SMYD3: variants seen among roughly 807,000 people sequenced by gnomAD.
SMYD3 encodes SET and MYND domain containing 3.
Under a neutral mutation model 57.7 loss-of-function variants are expected in SMYD3, and 36 were observed. That is an observed-to-expected ratio of 0.62 (90% CI 0.48 to 0.82). SMYD3 has a LOEUF of 0.82. SMYD3 is among the 40% of genes least tolerant of loss of function. SMYD3 has a pLI of 0.00. For missense variants in SMYD3, 515 were observed against 538.8 expected (o/e 0.96, Z 0.44); for synonymous variants, 211 against 195.0 (o/e 1.08, Z -0.68).
At chr1:246,027,698 T>C (rs771786428) in intron 5 of SMYD3, among the ~76,000 whole-genome samples, 5 of 152,234 alleles carry the variant, frequency 3.3e-5, no homozygotes, top group African/African-American at 7.2e-5. Flanking sequence ...AGAGCTCCGA[T>C]GGAGATGTAC....
At chr1:246,211,022 C>T (rs1432114942) in intron 5 of SMYD3, among the ~76,000 whole-genome samples, 2 of 152,104 alleles carry the variant, frequency 1.3e-5, no homozygotes. Context: ...TTCCTCTTCA[C>T]CATTTTCCTG....
chr1:246,096,196 T>G (rs1332622340), intron 5 of SMYD3: 1 of 152,202 alleles, frequency 6.6e-6, no homozygotes, highest in Non-Finnish European at 1.5e-5. Context: ...TAAGGAAGAA[T>G]GTAGAATAGG....
intron 1 of SMYD3, among the ~76,000 whole-genome samples, chr1:246,451,733 A>G (rs1353927977): frequency 6.6e-6 from 1 of 152,182 alleles, no homozygotes; most frequent in Non-Finnish European, 1.5e-5. Flanking sequence ...TGTGTAGAGG[A>G]AGAGGGTCTA....
intron 5 of SMYD3, among the ~76,000 whole-genome samples, chr1:246,227,601 T>A (rs943758311): frequency 3.3e-5 from 5 of 150,638 alleles, no homozygotes; most frequent in Non-Finnish European, 5.9e-5. Context: ...GGTGACAGAG[T>A]GAGACTCCAT....
chr1:245,768,805 A>T (rs2046222453), intron 10 of SMYD3, among the ~76,000 whole-genome samples: 1 of 152,142 alleles, frequency 6.6e-6, no homozygotes, highest in African/African-American at 2.4e-5. Flanking sequence ...ATCATGTTGG[A>T]AATGGAAAGC....
chr1:245,882,781 T>C (rs897418529), intron 8 of SMYD3, among the ~76,000 whole-genome samples: 3 of 152,108 alleles, frequency 2.0e-5, no homozygotes, highest in Non-Finnish European at 1.5e-5. Context: ...TTTAAATTAA[T>C]AAAAAAATCT....
At chr1:245,793,370 C>T (rs921976831) in intron 10 of SMYD3, among the ~76,000 whole-genome samples, 3 of 152,056 alleles carry the variant, frequency 2.0e-5, no homozygotes, top group Non-Finnish European at 2.9e-5. Flanking sequence ...CATGTTTTCC[C>T]GCTGGCAGAC....
intron 1 of SMYD3, among the ~76,000 whole-genome samples, chr1:246,461,733 C>CAAAAAAAAA (rs34973427): frequency 2.4e-4 from 30 of 122,802 alleles, no homozygotes; most frequent in African/African-American, 9.0e-4. Context: ...GACTCTGTCT[C>CAAAAAAAAA]AAAAAAAAAA....
At chr1:246,365,935 T>A (rs1366242533) in intron 1 of SMYD3, among the ~76,000 whole-genome samples, 1 of 152,206 alleles carries the variant, frequency 6.6e-6, no homozygotes, top group Non-Finnish European at 1.5e-5. Context: ...CTCTGAACCC[T>A]GCCTTCCCTA....
chr1:245,856,097 C>T (rs2051225820), intron 10 of SMYD3, among the ~76,000 whole-genome samples: 2 of 152,232 alleles, frequency 1.3e-5, no homozygotes, highest in African/African-American at 4.8e-5. Context: ...GCCAACTTCT[C>T]CATTCCTGCC....
intron 5 of SMYD3, among the ~76,000 whole-genome samples, chr1:246,090,307 A>G (rs893687039): frequency 2.0e-5 from 3 of 152,156 alleles, no homozygotes; most frequent in Admixed American, 6.5e-5. Flanking sequence ...AGAAAAATTA[A>G]GTCAAAATAA....
Position 246,107,294 on chromosome 1 carries a change from GA to G in SMYD3, c.532-177358del, listed in dbSNP as rs918207260. Among the ~76,000 whole-genome samples the G allele has an allele frequency of 5.9e-3, 814 of 138,094 alleles. 2 individuals are homozygous for G. The highest frequency in any genetic ancestry group is 7.4e-3 in the Non-Finnish European group (465 of 62,772). The allele number at this position is 138,094 out of a possible 152,430, so 90.6% of individuals were successfully genotyped here. ...AGAGCAAGATTCCATCGCAAAAAAAGAAAAAAAAAAAGAATTTTGAAATGGA... is the reference window on the plus strand; with the variant it reads ...AGAGCAAGATTCCATCGCAAAAAAAGAAAAAAAAAAGAATTTTGAAATGGA... On this transcript the variant is annotated intron_variant, in intron 5 of 11. Coordinates refer to ENST00000490107, the MANE Select transcript of SMYD3 (RefSeq NM_001167740.2).
rs60975703 is a variant in SMYD3, at chr1:246,163,294, A to G, written c.531+163907T>C. 3.4e-3 allele frequency among the ~76,000 whole-genome samples: 512 copies of G among 152,372 alleles called. 4 individuals are homozygous for G. Among genetic ancestry groups the G allele is most frequent in the African/African-American group, 0.012 (480 of 41,590 alleles). Reference sequence around the variant, plus strand: ...GAAATGACCTTGAAAATAATTAAGCATATCAAAGGGTAAGGCTGTAGCTCA... The same window carrying G: ...GAAATGACCTTGAAAATAATTAAGCGTATCAAAGGGTAAGGCTGTAGCTCA... On this transcript the variant is annotated intron_variant, in intron 5 of 11. Transcript: ENST00000490107.
intron 5 of SMYD3, among the ~76,000 whole-genome samples, chr1:246,316,277 C>T (rs953735594): frequency 1.8e-4 from 27 of 151,838 alleles, no homozygotes; most frequent in African/African-American, 6.5e-4. Flanking sequence ...GTCTCAGCTA[C>T]TCAGGAGACT....
intron 1 of SMYD3, among the ~76,000 whole-genome samples, chr1:246,462,262 TCCCGCGGGG>T (rs2067810931): frequency 1.2e-5 from 1 of 81,462 alleles, no homozygotes; most frequent in African/African-American, 3.4e-5. Context: ...CAGTGCATCC[TCCCGCGGGG>T]CCTGCTGGGT....
chr1:246,145,041 G>A (rs1167892645), intron 5 of SMYD3, among the ~76,000 whole-genome samples: 1 of 152,160 alleles, frequency 6.6e-6, no homozygotes, highest in Non-Finnish European at 1.5e-5. Flanking sequence ...TTTAGACAAG[G>A]TCTCACTGTG....
At chr1:246,185,293 A>G (rs942048356) in intron 5 of SMYD3, among the ~76,000 whole-genome samples, 1 of 151,778 alleles carries the variant, frequency 6.6e-6, no homozygotes, top group Non-Finnish European at 1.5e-5. Flanking sequence ...GCTGGAGTGC[A>G]GTGGCGCGAT....
At chr1:246,175,254 CA>C (rs1003512042) in intron 5 of SMYD3, among the ~76,000 whole-genome samples, 43 of 152,064 alleles carry the variant, frequency 2.8e-4, no homozygotes, top group African/African-American at 1.0e-3. Context: ...TATATTGCAC[CA>C]AAAATTAGAG....
At chr1:246,126,106 G>A (rs2061505846) in intron 5 of SMYD3, among the ~76,000 whole-genome samples, 1 of 152,174 alleles carries the variant, frequency 6.6e-6, no homozygotes, top group South Asian at 2.1e-4. Context: ...CTTACACACA[G>A]CGCAGTGCCG....
Sources: gnomAD v4.1 joint callset for allele counts (sites outside exome capture counted in the v4.1 genomes callset) on GRCh38, gnomAD v4.1.1 for gene constraint, MANE v1.5 for transcripts, NCBI Gene and HGNC (gene_info 2026-07-23, HGNC 2026-07-21) for gene names.